Variants in CARMIL1 observed in about 807,000 individuals in gnomAD.
CARMIL1 encodes the protein capping protein regulator and myosin 1 linker 1, also known as F-actin-uncapping protein LRRC16A.
CARMIL1 carries 90 observed loss-of-function variants against 177.1 expected under a neutral mutation model. That is an observed-to-expected ratio of 0.51 (90% CI 0.43 to 0.61). The LOEUF (loss-of-function observed/expected upper bound fraction) is 0.61. Ranked by LOEUF, CARMIL1 falls within the 20% of genes least tolerant of loss-of-function variation. CARMIL1 has a pLI of 0.00. For synonymous variants in CARMIL1, 577 were observed against 606.2 expected, an observed-to-expected ratio of 0.95 and a Z score of 0.71; for missense variants, 1,380 against 1,667.0, an observed-to-expected ratio of 0.83 and a Z score of 3.00.
At chr6:25,325,040 T>C (rs1784962564) in intron 2 of CARMIL1, among the ~76,000 whole-genome samples, 1 of 152,170 alleles carries the variant, frequency 6.6e-6, no homozygotes, top group Non-Finnish European at 1.5e-5. Flanking sequence ...TGGAGCTTGC[T>C]TTCCTATGTG....
chr6:25,546,377 G>T (rs1809466896), intron 26 of CARMIL1, among the ~76,000 whole-genome samples: 1 of 152,072 alleles, frequency 6.6e-6, no homozygotes, highest in Non-Finnish European at 1.5e-5. Context: ...TTGAATTTGT[G>T]TGATAAGGTT....
chr6:25,308,248 T>A (rs962672512), intron 2 of CARMIL1, among the ~76,000 whole-genome samples: 1 of 152,188 alleles, frequency 6.6e-6, no homozygotes. Flanking sequence ...CAGTTTGTAG[T>A]CAGCTGTGGA....
chr6:25,494,978 T>G, intron 15 of CARMIL1, 133 bp from the exon 16 acceptor site: 2 of 590,076 alleles, frequency 3.4e-6, no homozygotes, highest in Non-Finnish European at 3.0e-6. Flanking sequence ...GTTTTGGACA[T>G]TTATTTGTTT....
chr6:25,579,670 C>T (rs1050501064), intron 29 of CARMIL1, among the ~76,000 whole-genome samples: 1 of 152,098 alleles, frequency 6.6e-6, no homozygotes, highest in Non-Finnish European at 1.5e-5. Flanking sequence ...TTAACAAAAC[C>T]TTGAAAAAAG....
chr6:25,330,686 A>AT (rs779144880), intron 2 of CARMIL1, among the ~76,000 whole-genome samples: 30 of 95,628 alleles, frequency 3.1e-4, no homozygotes, highest in Middle Eastern at 5.0e-3. Flanking sequence ...GCCCATCTCT[A>AT]TTAAAAAAAA....
intron 2 of CARMIL1, among the ~76,000 whole-genome samples, chr6:25,351,691 G>C (rs966740776): frequency 6.6e-6 from 1 of 152,152 alleles, no homozygotes; most frequent in Admixed American, 6.5e-5. Context: ...GTTGCTACTT[G>C]GAATTCCAGC....
At chr6:25,460,472 G>C (rs1800027063) in intron 8 of CARMIL1, among the ~76,000 whole-genome samples, 1 of 152,086 alleles carries the variant, frequency 6.6e-6, no homozygotes, top group South Asian at 2.1e-4. Context: ...TGGCTGTCAT[G>C]GTGGCTTGAT....
intron 2 of CARMIL1, among the ~76,000 whole-genome samples, chr6:25,288,154 G>A (rs991115216): frequency 1.3e-5 from 2 of 152,224 alleles, no homozygotes; most frequent in African/African-American, 4.8e-5. Flanking sequence ...GCGTTCACTG[G>A]ATGAGTAGGA....
intron 8 of CARMIL1, chr6:25,451,986 G>GGGGGGGGGGGGGGC: frequency 2.7e-5 from 3 of 112,668 alleles, no homozygotes; most frequent in Non-Finnish European, 3.5e-5. Flanking sequence ...CTAGCATCTT[G>GGGGGGGGGGGGGGC]CCCCCCCCTC....
intron 8 of CARMIL1, chr6:25,452,565 G>A (rs1238423743): frequency 5.4e-6 from 1 of 186,802 alleles, no homozygotes; most frequent in Non-Finnish European, 1.1e-5. Context: ...TAATTAAAAA[G>A]TGACACTAAT....
chr6:25,487,754 AT>A (rs1339509932), intron 12 of CARMIL1, among the ~76,000 whole-genome samples: 1 of 152,206 alleles, frequency 6.6e-6, no homozygotes, highest in Non-Finnish European at 1.5e-5. Context: ...AGGCCTGTCA[AT>A]AACTGTTACC....
chr6:25,534,488 A>C (rs1252039667), intron 24 of CARMIL1, among the ~76,000 whole-genome samples: 1 of 151,750 alleles, frequency 6.6e-6, no homozygotes, highest in Admixed American at 6.6e-5. Context: ...GTTTTTCTCA[A>C]TCCGTACAAA....
intron 17 of CARMIL1, among the ~76,000 whole-genome samples, chr6:25,506,211 G>A (rs1339425678): frequency 6.6e-6 from 1 of 152,190 alleles, no homozygotes; most frequent in African/African-American, 2.4e-5. Flanking sequence ...CAGGATGCAT[G>A]TATGAAAGCA....
chr6:25,584,338 C>T (rs1324724248), intron 31 of CARMIL1, among the ~76,000 whole-genome samples: 1 of 148,814 alleles, frequency 6.7e-6, no homozygotes, highest in Non-Finnish European at 1.5e-5. Flanking sequence ...ACCATGCCAG[C>T]CTTTTTTCCT....
At chr6:25,520,716 A>T (rs1001404896) in intron 23 of CARMIL1, among the ~76,000 whole-genome samples, 9 of 152,106 alleles carry the variant, frequency 5.9e-5, no homozygotes, top group Admixed American at 3.3e-4. Flanking sequence ...TTTCATCAAG[A>T]AATTTAGAGT....
intron 2 of CARMIL1, chr6:25,389,097 A>G (rs992049191): frequency 6.6e-6 from 1 of 152,172 alleles, no homozygotes; most frequent in African/African-American, 2.4e-5. Context: ...CCACATTTCC[A>G]TGTTTTACGT....
chr6:25,483,681 C>CAAAAA (rs11452946), intron 12 of CARMIL1, among the ~76,000 whole-genome samples: 1 of 90,464 alleles, frequency 1.1e-5, no homozygotes, highest in Non-Finnish European at 2.1e-5. Flanking sequence ...ATCTCTGTCT[C>CAAAAA]AAAAAAAAAA....
chr6:25,286,260 A>G (rs2150131235), intron 2 of CARMIL1, among the ~76,000 whole-genome samples: 1 of 152,374 alleles, frequency 6.6e-6, no homozygotes, highest in South Asian at 2.1e-4. Context: ...TGTCTTGAGA[A>G]TCTTCTAAAA....
chr6:25,296,924 T>TCTATCTAA (rs1554153520), intron 2 of CARMIL1, among the ~76,000 whole-genome samples: 17,627 of 64,330 alleles, frequency 0.27, 1,170 homozygotes, highest in African/African-American at 0.34. Context: ...TATCTATCTA[T>TCTATCTAA]CTATCTATCT....
Sources: allele counts gnomAD v4.1 joint callset (sites outside exome capture counted in the v4.1 genomes callset), GRCh38; gene constraint gnomAD v4.1.1; transcripts MANE v1.5; gene names NCBI Gene and HGNC (gene_info 2026-07-23, HGNC 2026-07-21).